NOP58: variants seen among roughly 807,000 people sequenced by gnomAD.
NOP58 encodes the protein nucleolar protein 58.
A neutral mutation model predicts 71.2 loss-of-function variants in NOP58; 44 were observed. The observed-to-expected ratio is 0.62, with a 90% CI of 0.49 to 0.79. NOP58 has a LOEUF of 0.79. Ranked by LOEUF, NOP58 falls within the 30% of genes least tolerant of loss-of-function variation. The pLI, the probability that NOP58 is intolerant of heterozygous loss-of-function variation, is 0.00. For missense variants in NOP58, 538 were observed against 620.2 expected (o/e 0.87, Z 1.41); for synonymous variants, 228 against 200.3 (o/e 1.14, Z -1.17).
chr2:202,269,897 C>T (rs1000624449), intron 1 of NOP58, among the ~76,000 whole-genome samples: 19 of 152,130 alleles, frequency 1.2e-4, no homozygotes, highest in Admixed American at 3.9e-4. Flanking sequence ...TGAGATGTAA[C>T]TGATAGGACT....
chr2:202,281,470 G>T (rs1688703063), intron 3 of NOP58, among the ~76,000 whole-genome samples: 2 of 152,030 alleles, frequency 1.3e-5, no homozygotes, highest in Non-Finnish European at 2.9e-5. Flanking sequence ...TTGAGACAGG[G>T]TCTGTCACCA....
At chr2:202,300,753 C>T (rs73990246) in intron 13 of NOP58, among the ~76,000 whole-genome samples, 6,739 of 152,208 alleles carry the variant, frequency 0.044, 518 homozygotes, top group African/African-American at 0.15. Flanking sequence ...TTCTCTTACA[C>T]GGAGCGGACT....
chr2:202,266,102 C>A, intron 1 of NOP58, 116 bp downstream of exon 1: 5 of 1,239,390 alleles, frequency 4.0e-6, no homozygotes, highest in Non-Finnish European at 4.7e-6. Flanking sequence ...ATAGCCCGGG[C>A]TCTGGGAGGA....
chr2:202,267,574 T>C (rs1164780912), intron 1 of NOP58, among the ~76,000 whole-genome samples: 3 of 152,186 alleles, frequency 2.0e-5, no homozygotes, highest in African/African-American at 4.8e-5. Context: ...TGGAATCTTA[T>C]CTAAATTACC....
At position 202,295,691 on chromosome 2, in the gene NOP58, G is replaced by T; in HGVS notation, c.925G>T (p.Ala309Ser). 1 of 1,575,704 alleles carries T rather than the reference G, an allele frequency of 6.3e-7. No homozygotes were observed. The highest frequency in any genetic ancestry group is 8.6e-7 in the Non-Finnish European group (1 of 1,165,046). ...IAHAGSLLNL[A>S]KHAASTVQIL... ...TTTTGTAGGTTCTCTTTTAAATTTGGCCAAGCATGCAGCTTCTACCGTTCA... is the reference window on the plus strand; with the variant it reads ...TTTTGTAGGTTCTCTTTTAAATTTGTCCAAGCATGCAGCTTCTACCGTTCA... The change falls in exon 10 of 15, where the codon GCC becomes TCC. Residue 309 changes from alanine to serine, a missense_variant. Transcript: ENST00000264279.
chr2:202,302,372 G>A (rs1018838432), intron 13 of NOP58, among the ~76,000 whole-genome samples: 1 of 152,126 alleles, frequency 6.6e-6, no homozygotes, highest in Non-Finnish European at 1.5e-5. Flanking sequence ...TTACAGGCGT[G>A]AGCCACTGCA....
chr2:202,284,801 A>C (rs1688763305), intron 5 of NOP58: 1 of 234,424 alleles, frequency 4.3e-6, no homozygotes, highest in Non-Finnish European at 8.2e-6. Context: ...ATCTCTGCTA[A>C]GTCATGCCAC....
Position 202,299,498 on chromosome 2 carries a change from GTTCT to G in NOP58, c.1269-733_1269-730del, listed in dbSNP as rs577383824. 1.4e-3 allele frequency among the ~76,000 whole-genome samples: 216 copies of G among 152,104 alleles called. 1 individual carries two copies. The highest frequency in any genetic ancestry group is 5.1e-3 in the African/African-American group (211 of 41,504). On this transcript the variant is annotated intron_variant, in intron 12 of 14. Coordinates refer to ENST00000264279, the MANE Select transcript of NOP58 (RefSeq NM_015934.5). ...TTATTATCTCTAGTTGACAAACATG[GTTCT>G]TTGTTTCTTAAATTATAAATGTCTT...
In NOP58 at chr2:202,275,351, C is replaced by T. The variant is rs535175342; in HGVS notation, c.122+162C>T. 1.5e-5 allele frequency: 8 copies of T among 550,856 alleles called. No homozygotes were observed. In the East Asian group the frequency reaches 2.5e-4, roughly 17 times the overall value. The allele number at this position is 550,856 out of a possible 1,614,324, so 34.1% of individuals were successfully genotyped here. A position where few individuals can be genotyped will look rare whatever the true frequency, so the allele number is the denominator to read the frequency against. ...GAACCTAATTATTACAAATGTTTTACTTGGAATATAGGCCATCTCAATTAA... is the reference window on the plus strand; with the variant it reads ...GAACCTAATTATTACAAATGTTTTATTTGGAATATAGGCCATCTCAATTAA... On this transcript the variant is annotated intron_variant, in intron 2 of 14. Coordinates refer to ENST00000264279, the MANE Select transcript of NOP58 (RefSeq NM_015934.5).
At chr2:202,295,545 T>TAGAATTCTATAATCC in intron 9 of NOP58, 129 bp from the exon 10 acceptor site, 1 of 661,466 alleles carries the variant, frequency 1.5e-6, no homozygotes, top group Non-Finnish European at 2.4e-6. Flanking sequence ...TTCTGGATTA[T>TAGAATTCTATAATCC]AGAATTCTAT....
At position 202,277,983 on chromosome 2, in the gene NOP58, T is replaced by C; in HGVS notation, c.156T>C (p.Asp52=). The change falls in exon 3 of 15, where the codon GAT becomes GAC. Residue 52 remains aspartate (D), a synonymous_variant. Coordinates refer to ENST00000264279, the MANE Select transcript of NOP58 (RefSeq NM_015934.5). The part of the protein sequence containing the change: ...VKLKHFEKFQ[D]TAEALAAFTA... Reference sequence around the variant, plus strand: ...TAAAACATTTTGAGAAATTTCAGGATACAGCAGAAGCATTAGCAGGTAAAG... The same window carrying C: ...TAAAACATTTTGAGAAATTTCAGGACACAGCAGAAGCATTAGCAGGTAAAG... The C allele has an allele frequency of 6.4e-7, 1 of 1,554,182 alleles. No individual in the cohort carries two copies. Among genetic ancestry groups the C allele is most frequent in the Non-Finnish European group, 8.8e-7 (1 of 1,133,294 alleles).
chr2:202,274,070 CTA>C (rs1383126135), intron 1 of NOP58, among the ~76,000 whole-genome samples: 1 of 152,066 alleles, frequency 6.6e-6, no homozygotes, highest in East Asian at 1.9e-4. Flanking sequence ...TTAAAGTACC[CTA>C]TGTTTCTTTT....
chr2:202,284,703 C>T (rs1688761861), intron 5 of NOP58: 1 of 458,340 alleles, frequency 2.2e-6, no homozygotes, highest in Non-Finnish European at 3.8e-6. Context: ...GCTCTATTGT[C>T]TGGATTCTTA....
Position 202,291,968 on chromosome 2 carries a change from C to CTTTTTTTTTTTTTTTTTT in NOP58, c.780+717_780+734dup, listed in dbSNP as rs869075798. 1.1e-4 allele frequency among the ~76,000 whole-genome samples: 5 copies of CTTTTTTTTTTTTTTTTTT among 43,960 alleles called. 2 individuals are homozygous for CTTTTTTTTTTTTTTTTTT. The highest frequency in any genetic ancestry group is 5.7e-4 in the Admixed American group (2 of 3,508). 28.8% of individuals were successfully genotyped at this position (43,960 alleles called of 152,430 possible). On this transcript the variant is annotated intron_variant, in intron 8 of 14. Transcript: ENST00000264279. ...GATACAAATGTTTATTGCTCAGAAT[C>CTTTTTTTTTTTTTTTTTT]TTTTTTTTTTTTTTTTTTTTTTTTT...
At chr2:202,269,468 G>A (rs538439783) in intron 1 of NOP58, among the ~76,000 whole-genome samples, 5 of 152,022 alleles carry the variant, frequency 3.3e-5, no homozygotes, top group South Asian at 2.1e-4. Flanking sequence ...TGTTTAGAGC[G>A]ATTCAAAAGG....
intron 1 of NOP58, among the ~76,000 whole-genome samples, chr2:202,272,149 A>ATTTTT (rs570916461): frequency 8.1e-5 from 9 of 111,152 alleles, no homozygotes; most frequent in Non-Finnish European, 1.2e-4. Flanking sequence ...CTGATGTATA[A>ATTTTT]TTTTTTTTTT....
chr2:202,289,688 C>G (rs1056593101), intron 6 of NOP58, among the ~76,000 whole-genome samples: 2 of 152,052 alleles, frequency 1.3e-5, no homozygotes, highest in Admixed American at 1.3e-4. Flanking sequence ...TGAAAATATG[C>G]TAAGTGAAAT....
At chr2:202,293,032 G>A (rs777490872) in intron 9 of NOP58, 129 bp downstream of exon 9, 1 of 959,942 alleles carries the variant, frequency 1.0e-6, no homozygotes, top group Non-Finnish European at 1.7e-6. Flanking sequence ...ATGATATGTG[G>A]GAGATCACTA....
chr2:202,298,741 T>G (rs765334707), intron 12 of NOP58, among the ~76,000 whole-genome samples: 4 of 152,066 alleles, frequency 2.6e-5, no homozygotes, highest in South Asian at 4.1e-4. Context: ...CATTCAAACT[T>G]AACTATCAGA....
Sources: gnomAD v4.1 joint callset for allele counts (sites outside exome capture counted in the v4.1 genomes callset) on GRCh38, gnomAD v4.1.1 for gene constraint, MANE v1.5 for transcripts, NCBI Gene and HGNC (gene_info 2026-07-23, HGNC 2026-07-21) for gene names.